ZNF654: variants seen among roughly 807,000 people sequenced by gnomAD.
ZNF654 encodes melanoma-associated antigen.
A neutral mutation model predicts 95.3 loss-of-function variants in ZNF654; 19 were observed. The ratio of observed to expected loss-of-function variants is 0.20; its 90% CI spans 0.14 to 0.29. The LOEUF is 0.29. ZNF654 is among the 10% of genes least tolerant of loss of function. The pLI is 1.00. For synonymous variants in ZNF654, 413 were observed against 457.9 expected (o/e 0.90, Z 1.25); for missense variants, 1,046 against 1,341.0 (o/e 0.78, Z 3.44).
In ZNF654 at chr3:88,091,876, A is replaced by AT. The variant is rs554888660; in HGVS notation, c.332+5474_332+5475insT. 4.7e-4 allele frequency among the ~76,000 whole-genome samples: 72 copies of AT among 152,222 alleles called. 2 individuals are homozygous for AT. The East Asian group carries it at 7.5e-3, about 16-fold the overall frequency. On this transcript the variant is annotated intron_variant, in intron 2 of 8. Transcript: ENST00000636215. ...GCCATGTAGAACTGTGAGTCCATTAAACCTCTTTTTCTTCATAAATGACCC... is the reference window on the plus strand; with the variant it reads ...GCCATGTAGAACTGTGAGTCCATTAATACCTCTTTTTCTTCATAAATGACCC...
intron 3 of ZNF654, among the ~76,000 whole-genome samples, chr3:88,119,897 C>T (rs1020826279): frequency 4.6e-5 from 7 of 151,954 alleles, no homozygotes; most frequent in South Asian, 2.1e-4. Context: ...ATGGTTTTAC[C>T]GTAGTTATGA....
chr3:88,143,932 A>G lies in ZNF654; in HGVS notation c.*2280A>G, dbSNP rs1312112117. The G allele has an allele frequency of 4.6e-5, 7 of 152,066 alleles. No individual in the cohort carries two copies. Among genetic ancestry groups the G allele is most frequent in the African/African-American group, 9.7e-5 (4 of 41,416 alleles). 9.4% of individuals were successfully genotyped at this position (152,066 alleles called of 1,614,324 possible). On this transcript the variant is annotated 3_prime_UTR_variant, in exon 9 of 9. Transcript: ENST00000636215. ...TCATTTTGCTTTTATAGGGTGCATAAACTTCCAACAGTTCTAATTTGAGCG... is the reference window on the plus strand; with the variant it reads ...TCATTTTGCTTTTATAGGGTGCATAGACTTCCAACAGTTCTAATTTGAGCG...
chr3:88,139,587 G>A lies in ZNF654; in HGVS notation c.1918G>A (p.Val640Met). The change falls in exon 8 of 9, where the codon GTG becomes ATG. Residue 640 changes from valine (V) to methionine (M), a missense_variant. Physicochemically the swap from Val to Met is conservative, Grantham distance 21. Coordinates refer to ENST00000636215, the MANE Select transcript of ZNF654 (RefSeq NM_001350134.2). ...NGNSDSKDLEVETLTASSEGN... is the reference protein window; with the variant it reads ...NGNSDSKDLEMETLTASSEGN... ...GAATTCTGATAGTAAGGATTTGGAA[G>A]TGGAGACACTTACTGCTTCTAGTGA... 6.2e-7 allele frequency: 1 copy of A among 1,613,736 alleles called. No individual in the cohort carries two copies. Among genetic ancestry groups the A allele is most frequent in the Non-Finnish European group, 8.5e-7 (1 of 1,179,770 alleles).
intron 4 of ZNF654, among the ~76,000 whole-genome samples, chr3:88,126,776 T>C (rs1706131158): frequency 6.6e-6 from 1 of 152,122 alleles, no homozygotes; most frequent in Non-Finnish European, 1.5e-5. Flanking sequence ...GTTGATTGAA[T>C]GAATGACCAC....
At position 88,068,930 on chromosome 3, in the gene ZNF654, A is replaced by C. The variant is rs528570275; in HGVS notation, c.186+9425A>C. On this transcript the variant is annotated intron_variant, in intron 1 of 8. Transcript: ENST00000636215. The stretch of plus-strand genomic sequence containing the variant: ...ACAATACATTGTATTGTATCTAGGA[A>C]TAAGCATTTGGTATCTATTGTACCA... 8.6e-4 allele frequency among the ~76,000 whole-genome samples: 131 copies of C among 152,292 alleles called. 1 individual carries two copies. The highest frequency in any genetic ancestry group is 3.0e-3 in the African/African-American group (124 of 41,560).
rs1304102520 is a variant in ZNF654 at position 88,059,319 on chromosome 3, C to T, written c.-1C>T. On this transcript the variant is annotated 5_prime_UTR_variant, in exon 1 of 9. Coordinates refer to ENST00000636215, the MANE Select transcript of ZNF654 (RefSeq NM_001350134.2). The stretch of plus-strand genomic sequence containing the variant: ...GGTACGCGCTGGGCGGCGAGAGCCT[C>T]ATGGCGGAGGAAGAGAGCGACCAAG... The T allele has an allele frequency of 3.3e-6, 5 of 1,533,568 alleles. No individual in the cohort carries two copies. Among genetic ancestry groups the T allele is most frequent in the Non-Finnish European group, 4.4e-6 (5 of 1,146,536 alleles). The allele number at this position is 1,533,568 out of a possible 1,614,324, so 95.0% of individuals were successfully genotyped here.
At chr3:88,103,435 C>A (rs2107726876) in intron 2 of ZNF654, among the ~76,000 whole-genome samples, 1 of 151,920 alleles carries the variant, frequency 6.6e-6, no homozygotes, top group East Asian at 1.9e-4. Context: ...ATAGAAATAC[C>A]CAAACTAAAA....
At chr3:88,071,623 G>A (rs1178779353) in intron 1 of ZNF654, among the ~76,000 whole-genome samples, 1 of 140,650 alleles carries the variant, frequency 7.1e-6, no homozygotes, top group Non-Finnish European at 1.5e-5. Flanking sequence ...GTGACAGAGC[G>A]AGACTCCATC....
intron 2 of ZNF654, among the ~76,000 whole-genome samples, chr3:88,098,864 C>T (rs181947598): frequency 5.3e-5 from 8 of 152,244 alleles, no homozygotes; most frequent in African/African-American, 1.9e-4. Context: ...CTATGACAAA[C>T]CCACAGCCAG....
chr3:88,122,684 AATTT>A (rs2107805190), intron 3 of ZNF654, among the ~76,000 whole-genome samples: 1 of 152,282 alleles, frequency 6.6e-6, no homozygotes, highest in East Asian at 1.9e-4. Flanking sequence ...ATAGAGGCAC[AATTT>A]ATTATTTAAG....
At chr3:88,110,903 T>G (rs1705049566) in intron 2 of ZNF654, among the ~76,000 whole-genome samples, 1 of 152,134 alleles carries the variant, frequency 6.6e-6, no homozygotes, top group African/African-American at 2.4e-5. Flanking sequence ...GCTGTTACTT[T>G]GCATGTGGTT....
Position 88,139,867 on chromosome 3 carries a change from A to G in ZNF654, c.2198A>G (p.His733Arg). Residue 733 changes from histidine to arginine, a missense_variant, in exon 8 of 9, where the codon CAT becomes CGT. By Grantham distance (29) the His-to-Arg change is conservative (BLOSUM62 0). Coordinates refer to ENST00000636215, the MANE Select transcript of ZNF654 (RefSeq NM_001350134.2). The stretch of plus-strand genomic sequence containing the variant: ...CATAAAATCAATGGAACTGTGTGCC[A>G]TCCAAAAGACATATATGCCACAGAT... ...VIHKINGTVC[H>R]PKDIYATDQE... The G allele has an allele frequency of 2.5e-6, 4 of 1,606,062 alleles. No individual in the cohort carries two copies. The highest frequency in any genetic ancestry group is 3.4e-6 in the Non-Finnish European group (4 of 1,175,814).
Position 88,072,194 on chromosome 3 carries a change from G to T in ZNF654, c.186+12689G>T, listed in dbSNP as rs547624845. On this transcript the variant is annotated intron_variant, in intron 1 of 8. Transcript: ENST00000636215. ...TGAATTATCTAGTAAGGGAGAAAAG[G>T]CATATCTAACTATTATTTCTGTCTA... is the stretch of plus-strand genomic sequence containing the variant. 7.2e-5 allele frequency among the ~76,000 whole-genome samples: 11 copies of T among 152,242 alleles called. 1 individual carries two copies. The South Asian group carries it at 2.3e-3, about 32-fold the overall frequency.
chr3:88,074,400 G>A (rs1237219369), intron 1 of ZNF654, among the ~76,000 whole-genome samples: 7 of 149,368 alleles, frequency 4.7e-5, no homozygotes, highest in Non-Finnish European at 8.9e-5. Context: ...GGAGTGCAGT[G>A]GCTTGATCTC....
At chr3:88,117,179 C>G (rs1705465305) in intron 3 of ZNF654, among the ~76,000 whole-genome samples, 7 of 152,060 alleles carry the variant, frequency 4.6e-5, no homozygotes, top group Admixed American at 4.6e-4. Context: ...CCAGTAAAAA[C>G]CAAATTAATG....
In ZNF654 at chr3:88,111,270, G is replaced by A. The variant is rs550194825; in HGVS notation, c.333-1845G>A. On this transcript the variant is annotated intron_variant, in intron 2 of 8. Transcript: ENST00000636215. ...GAAAAATTACAAAACGATTAATAACGAAAAATAATTCTCCCTTTCATTTCT... is the reference window on the plus strand; with the variant it reads ...GAAAAATTACAAAACGATTAATAACAAAAAATAATTCTCCCTTTCATTTCT... Among the ~76,000 whole-genome samples, 161 of 151,940 alleles carry A rather than the reference G, an allele frequency of 1.1e-3. 1 individual carries two copies. Among genetic ancestry groups the A allele is most frequent in the Middle Eastern group, 3.4e-3 (1 of 292 alleles).
At position 88,143,480 on chromosome 3, in the gene ZNF654, T is replaced by C. The variant is rs533100707; in HGVS notation, c.*1828T>C. 3 of 152,460 alleles carry C rather than the reference T, an allele frequency of 2.0e-5. No homozygotes were observed. The South Asian group carries it at 6.2e-4, about 32-fold the overall frequency. 9.4% of individuals were successfully genotyped at this position (152,460 alleles called of 1,614,324 possible). The stretch of plus-strand genomic sequence containing the variant: ...TATTTTAGTTCATTCTAAAAGTATG[T>C]CTTGTAATAAAAAGTCTGTTTGGAA... On this transcript the variant is annotated 3_prime_UTR_variant, in exon 9 of 9. Coordinates refer to ENST00000636215, the MANE Select transcript of ZNF654 (RefSeq NM_001350134.2).
intron 2 of ZNF654, among the ~76,000 whole-genome samples, chr3:88,099,162 A>G (rs1358998209): frequency 1.3e-5 from 2 of 152,202 alleles, no homozygotes; most frequent in Non-Finnish European, 2.9e-5. Context: ...TCAATGTGCA[A>G]AAATCACAAG....
At chr3:88,077,676 A>T (rs939402180) in intron 1 of ZNF654, among the ~76,000 whole-genome samples, 11 of 106,392 alleles carry the variant, frequency 1.0e-4, no homozygotes, top group Non-Finnish European at 2.1e-4. Flanking sequence ...AAGATAAATG[A>T]AACATGCTGT....
Sources: gnomAD v4.1 joint callset for allele counts (sites outside exome capture counted in the v4.1 genomes callset) on GRCh38, gnomAD v4.1.1 for gene constraint, MANE v1.5 for transcripts, NCBI Gene and HGNC (gene_info 2026-07-23, HGNC 2026-07-21) for gene names.